GAB2: variants seen among roughly 807,000 people sequenced by gnomAD.
GAB2 encodes the protein GRB2-associated-binding protein 2.
In GAB2, 26 loss-of-function variants were observed where a neutral mutation model predicts 65.5. The observed-to-expected ratio is 0.40, with a 90% CI of 0.29 to 0.55. The LOEUF (loss-of-function observed/expected upper bound fraction) is 0.55, where lower values mean the gene tolerates loss of function less well. Ranked by LOEUF, GAB2 falls within the 20% of genes least tolerant of loss-of-function variation. The pLI is 0.53. For synonymous variants in GAB2, 321 were observed against 329.6 expected (o/e 0.97, Z 0.28); for missense variants, 884 against 875.8 (o/e 1.01, Z -0.12).
At position 78,215,653 on chromosome 11, in the gene GAB2, TACACA is replaced by T. The variant is rs1356653033; in HGVS notation, c.*3614_*3618del. On this transcript the variant is annotated 3_prime_UTR_variant, in exon 10 of 10. Transcript: ENST00000361507. ...TTTCAAGACACAAGTAGCCAACAAA[TACACA>T]ACACATGCCACCATAAATCACATGA... is the stretch of plus-strand genomic sequence containing the variant. 1 of 152,166 alleles carries T rather than the reference TACACA, an allele frequency of 6.6e-6. No individual in the cohort carries two copies. Among genetic ancestry groups the T allele is most frequent in the East Asian group, 1.9e-4 (1 of 5,188 alleles). 9.4% of individuals were successfully genotyped at this position (152,166 alleles called of 1,614,324 possible).
chr11:78,330,827 A>G (rs1251349206), intron 1 of GAB2, among the ~76,000 whole-genome samples: 1 of 151,746 alleles, frequency 6.6e-6, no homozygotes, highest in Admixed American at 6.6e-5. Flanking sequence ...GGAACACCCT[A>G]TGAAGTAGAA....
At position 78,294,662 on chromosome 11, in the gene GAB2, G is replaced by C. The variant is rs1407527707; in HGVS notation, c.76-13761C>G. Among the ~76,000 whole-genome samples, 3 of 152,144 alleles carry C rather than the reference G, an allele frequency of 2.0e-5. No individual in the cohort carries two copies. In the East Asian group the frequency reaches 5.8e-4, roughly 29 times the overall value. ...GAAACGATTCCCTATTTAATAAATGGTGCTGGGGAAACTGGCTAGCCATAT... is the reference window on the plus strand; with the variant it reads ...GAAACGATTCCCTATTTAATAAATGCTGCTGGGGAAACTGGCTAGCCATAT... On this transcript the variant is annotated intron_variant, in intron 1 of 9. Coordinates refer to ENST00000361507, the MANE Select transcript of GAB2 (RefSeq NM_080491.3).
At chr11:78,397,697 T>C (rs1379760149) in intron 1 of GAB2, among the ~76,000 whole-genome samples, 1 of 152,208 alleles carries the variant, frequency 6.6e-6, no homozygotes, top group African/African-American at 2.4e-5. Flanking sequence ...TCTTTGTCAT[T>C]TGTGTAGTAT....
intron 3 of GAB2, among the ~76,000 whole-genome samples, chr11:78,241,605 GAGAA>G (rs1445475897): frequency 2.0e-5 from 3 of 146,500 alleles, no homozygotes; most frequent in East Asian, 3.9e-4. Context: ...ATTCAAAAAA[GAGAA>G]AGAAAAAAAA....
At chr11:78,305,761 G>A (rs1245208547) in intron 1 of GAB2, among the ~76,000 whole-genome samples, 3 of 152,186 alleles carry the variant, frequency 2.0e-5, no homozygotes, top group Non-Finnish European at 4.4e-5. Context: ...TCCTGACCCT[G>A]AGGAATAGGG....
Position 78,218,943 on chromosome 11 carries a change from C to A in GAB2, c.*329G>T. On this transcript the variant is annotated 3_prime_UTR_variant, in exon 10 of 10. Transcript: ENST00000361507. Reference sequence around the variant, plus strand: ...TCTGGCTCAGAGCCCCAGCCCTTCCCTCCAAACATCTGGTAGAGAGTCAGG... The same window carrying A: ...TCTGGCTCAGAGCCCCAGCCCTTCCATCCAAACATCTGGTAGAGAGTCAGG... 1 of 236,938 alleles carries A rather than the reference C, an allele frequency of 4.2e-6. No homozygotes were observed. The allele number at this position is 236,938 out of a possible 1,614,324, so 14.7% of individuals were successfully genotyped here.
chr11:78,324,272 C>T (rs770960772), intron 1 of GAB2, among the ~76,000 whole-genome samples: 12 of 152,120 alleles, frequency 7.9e-5, no homozygotes, highest in South Asian at 2.1e-4. Flanking sequence ...AAGCTCCCTT[C>T]GGTATCATCC....
chr11:78,239,137 G>C (rs1865063082), intron 3 of GAB2, among the ~76,000 whole-genome samples: 1 of 150,992 alleles, frequency 6.6e-6, no homozygotes. Context: ...AAATGGCCAA[G>C]AAGAAACCCC....
At chr11:78,337,678 G>T (rs1272696073) in intron 1 of GAB2, among the ~76,000 whole-genome samples, 1 of 152,214 alleles carries the variant, frequency 6.6e-6, no homozygotes, top group East Asian at 1.9e-4. Flanking sequence ...CTAATGGTGA[G>T]AAGTAGAAAA....
chr11:78,400,901 CA>C (rs59240034), intron 1 of GAB2, among the ~76,000 whole-genome samples: 8,362 of 64,768 alleles, frequency 0.13, 110 homozygotes, highest in East Asian at 0.34. Flanking sequence ...GAGACTGTCT[CA>C]AAAAAAAAAA....
At chr11:78,249,982 A>G (rs1246137939) in intron 3 of GAB2, among the ~76,000 whole-genome samples, 175 bp downstream of exon 3, 1 of 151,952 alleles carries the variant, frequency 6.6e-6, no homozygotes, top group Non-Finnish European at 1.5e-5. Context: ...AGCAACACAG[A>G]TGATGCCAAT....
At chr11:78,341,010 A>G (rs1856084147) in intron 1 of GAB2, among the ~76,000 whole-genome samples, 1 of 152,202 alleles carries the variant, frequency 6.6e-6, no homozygotes, top group African/African-American at 2.4e-5. Context: ...ATCTTCAGCA[A>G]CATTCAAAGA....
At chr11:78,406,528 C>T (rs1857047168) in intron 1 of GAB2, among the ~76,000 whole-genome samples, 1 of 152,138 alleles carries the variant, frequency 6.6e-6, no homozygotes, top group Non-Finnish European at 1.5e-5. Context: ...CAGTCACCTG[C>T]CACCATGCCT....
At chr11:78,326,590 C>G (rs1855826325) in intron 1 of GAB2, among the ~76,000 whole-genome samples, 1 of 152,090 alleles carries the variant, frequency 6.6e-6, no homozygotes, top group Admixed American at 6.6e-5. Flanking sequence ...TCTGTCCTAT[C>G]TTTTTCCAAA....
At chr11:78,359,184 A>T (rs1354916098) in intron 1 of GAB2, among the ~76,000 whole-genome samples, 1 of 152,238 alleles carries the variant, frequency 6.6e-6, no homozygotes, top group African/African-American at 2.4e-5. Flanking sequence ...GTATTATTCT[A>T]TGCCTGCCTT....
rs768623949 is a variant in GAB2, at chr11:78,226,868, G to A, written c.804C>T (p.Leu268=). 5.0e-6 allele frequency: 8 copies of A among 1,614,036 alleles called. No homozygotes were observed. The African/African-American group carries it at 1.1e-4, about 22-fold the overall frequency. ...GGCCATGGGAGGCCAGGCTGCGGGG[G>A]AGGTCGTAGGTACTGTCTCTGAATT... The part of the protein sequence containing the change: ...NTEFRDSTYD[L]PRSLASHGHT... Residue 268 remains leucine (L), a synonymous_variant, in exon 4 of 10, where the codon CTC becomes CTT. Transcript: ENST00000361507.
At chr11:78,239,572 TGA>T (rs1415068747) in intron 3 of GAB2, among the ~76,000 whole-genome samples, 2 of 152,058 alleles carry the variant, frequency 1.3e-5, no homozygotes, top group Non-Finnish European at 2.9e-5. Flanking sequence ...CCAGAATGCA[TGA>T]GAGGAGTAAC....
At chr11:78,261,330 C>T (rs1345316882) in intron 2 of GAB2, among the ~76,000 whole-genome samples, 2 of 152,028 alleles carry the variant, frequency 1.3e-5, no homozygotes, top group Non-Finnish European at 2.9e-5. Context: ...CAGAACAAGG[C>T]GATCTTCAAT....
chr11:78,320,466 C>T (rs1855701221), intron 1 of GAB2, among the ~76,000 whole-genome samples: 1 of 152,182 alleles, frequency 6.6e-6, no homozygotes, highest in Non-Finnish European at 1.5e-5. Flanking sequence ...GGAATTTGGA[C>T]ATCATCCTAA....
Sources: gnomAD v4.1 joint callset for allele counts (sites outside exome capture counted in the v4.1 genomes callset) on GRCh38, gnomAD v4.1.1 for gene constraint, MANE v1.5 for transcripts, NCBI Gene and HGNC (gene_info 2026-07-23, HGNC 2026-07-21) for gene names.